KALRN: variants seen among roughly 807,000 people sequenced by gnomAD.
KALRN encodes kalirin RhoGEF kinase.
KALRN carries 70 observed loss-of-function variants against 353.7 expected under a neutral mutation model. The ratio of observed to expected loss-of-function variants is 0.20; its 90% CI spans 0.16 to 0.24. KALRN has a LOEUF of 0.24. Among genes scored for constraint, KALRN ranks in the 10% least tolerant of loss-of-function variants. KALRN has a pLI of 1.00. For synonymous variants in KALRN, 1,391 were observed against 1,434.8 expected, an observed-to-expected ratio of 0.97 and a Z score of 0.69; for missense variants, 2,791 against 3,756.7, an observed-to-expected ratio of 0.74 and a Z score of 6.72.
In KALRN at chr3:124,152,429, A is replaced by C. The variant is rs557478629; in HGVS notation, c.74-75561A>C. ...CCTCTGATCCTGATGACAAATGCCA[A>C]TTTGGGTTCTGCAGGTACATAGAAG... On this transcript the variant is annotated intron_variant, in intron 1 of 59. Coordinates refer to ENST00000682506, the MANE Select transcript of KALRN (RefSeq NM_001388419.1). The C allele has an allele frequency of 5.2e-6, 7 of 1,357,714 alleles. No individual in the cohort carries two copies. In the African/African-American group the frequency reaches 1.0e-4, roughly 19 times the overall value. The allele number at this position is 1,357,714 out of a possible 1,614,324, so 84.1% of individuals were successfully genotyped here.
chr3:124,643,077 A>G (rs781390197), intron 37 of KALRN, among the ~76,000 whole-genome samples: 5 of 152,048 alleles, frequency 3.3e-5, no homozygotes, highest in Non-Finnish European at 5.9e-5. Flanking sequence ...TCGGCCTCCC[A>G]AAGTGCTGGG....
intron 6 of KALRN, among the ~76,000 whole-genome samples, chr3:124,310,173 A>G (rs1178324613): frequency 6.6e-6 from 1 of 152,162 alleles, no homozygotes. Flanking sequence ...ATAATAGCAT[A>G]AAAAAGAATA....
At chr3:124,088,944 G>A (rs1222213962) in intron 1 of KALRN, among the ~76,000 whole-genome samples, 3 of 151,916 alleles carry the variant, frequency 2.0e-5, no homozygotes, top group African/African-American at 7.3e-5. Context: ...AGCTTGATGT[G>A]TATGTAGGGA....
chr3:124,107,038 T>C (rs987225730), intron 1 of KALRN, among the ~76,000 whole-genome samples: 1 of 152,206 alleles, frequency 6.6e-6, no homozygotes. Flanking sequence ...TCTCCTGGGC[T>C]GTTGCAGAAT....
intron 3 of KALRN, among the ~76,000 whole-genome samples, chr3:124,253,111 A>G (rs1032153073): frequency 2.6e-5 from 4 of 152,340 alleles, no homozygotes; most frequent in African/African-American, 9.6e-5. Context: ...TGGGGCAATC[A>G]GCAGAAGTAC....
At chr3:124,366,932 G>A (rs1339299884) in intron 10 of KALRN, among the ~76,000 whole-genome samples, 13 of 140,402 alleles carry the variant, frequency 9.3e-5, no homozygotes, top group African/African-American at 2.8e-5. Context: ...GGGCAGAGGG[G>A]CTCCTCACTT....
At position 124,418,899 on chromosome 3, in the gene KALRN, G is replaced by A. The variant is rs141939482; in HGVS notation, c.2543-3913G>A. Among the ~76,000 whole-genome samples, 397 of 152,160 alleles carry A rather than the reference G, an allele frequency of 2.6e-3. 1 individual carries two copies. Among genetic ancestry groups the A allele is most frequent in the African/African-American group, 9.4e-3 (389 of 41,516 alleles). ...TCGGGTCCCAGCCGCAGAGATTCTG[G>A]TGATATTGGTCTGGGGTGTGGTTAG... On this transcript the variant is annotated intron_variant, in intron 14 of 59. Coordinates refer to ENST00000682506, the MANE Select transcript of KALRN (RefSeq NM_001388419.1).
intron 13 of KALRN, chr3:124,410,319 A>G (rs1198950679): frequency 3.8e-6 from 2 of 524,642 alleles, no homozygotes; most frequent in Non-Finnish European, 7.8e-6. Flanking sequence ...AGAACCTAAA[A>G]TCAAAAGAAA....
intron 34 of KALRN, among the ~76,000 whole-genome samples, chr3:124,609,775 T>G (rs2077727613): frequency 6.6e-6 from 1 of 152,238 alleles, no homozygotes; most frequent in South Asian, 2.1e-4. Context: ...TGCCATTTAT[T>G]GTCATATAAT....
In KALRN at chr3:124,347,236, A is replaced by C. The variant is rs1581204032; in HGVS notation, c.1741A>C (p.Arg581=). The C allele has an allele frequency of 2.5e-6, 4 of 1,610,028 alleles. No individual in the cohort carries two copies. The East Asian group carries it at 9.0e-5, about 36-fold the overall frequency. ...ACATCGAGCCCGGGCCCTGCAGAAG[A>C]GGCATGATGACTTTGAAGAGGTGGC... ...SLHRARALQK[R]HDDFEEVAQN... The change falls in exon 10 of 60, where the codon AGG becomes CGG. Residue 581 remains arginine, a synonymous_variant. Transcript: ENST00000682506.
chr3:124,187,543 A>G (rs901790258), intron 1 of KALRN, among the ~76,000 whole-genome samples: 5 of 152,202 alleles, frequency 3.3e-5, no homozygotes, highest in Admixed American at 6.5e-5. Context: ...CTAAGTTTCT[A>G]TTCCCCTGGA....
intron 34 of KALRN, among the ~76,000 whole-genome samples, chr3:124,605,742 G>A (rs1200651578): frequency 6.6e-6 from 1 of 152,108 alleles, no homozygotes; most frequent in Non-Finnish European, 1.5e-5. Flanking sequence ...CTTTAGTACT[G>A]TAGGGGTTTT....
chr3:124,329,824 G>A, intron 7 of KALRN, 37 bp from the exon 8 acceptor site: 1 of 1,601,504 alleles, frequency 6.2e-7, no homozygotes, highest in Non-Finnish European at 8.5e-7. Flanking sequence ...CTCACCCCCA[G>A]TGCTCCCCCA....
chr3:124,587,477 C>G (rs750357619), intron 34 of KALRN, among the ~76,000 whole-genome samples: 5 of 152,146 alleles, frequency 3.3e-5, no homozygotes, highest in Non-Finnish European at 7.4e-5. Context: ...CTATTTTTGA[C>G]TTGAAGCTAA....
intron 11 of KALRN, 115 bp downstream of exon 11, chr3:124,385,151 T>C: frequency 1.2e-6 from 1 of 812,598 alleles, no homozygotes; most frequent in Non-Finnish European, 1.9e-6. Flanking sequence ...GGTTACTAAC[T>C]TCCTAACTTT....
chr3:124,373,572 A>T (rs1429364868), intron 10 of KALRN, among the ~76,000 whole-genome samples: 1 of 152,144 alleles, frequency 6.6e-6, no homozygotes, highest in African/African-American at 2.4e-5. Flanking sequence ...GTGAGGGAGA[A>T]TCTGTTCCAG....
chr3:124,278,742 T>C (rs779799080), intron 5 of KALRN, among the ~76,000 whole-genome samples: 1 of 152,198 alleles, frequency 6.6e-6, no homozygotes, highest in Admixed American at 6.5e-5. Flanking sequence ...CCACTTCTAT[T>C]TCCTGTCCTC....
intron 1 of KALRN, among the ~76,000 whole-genome samples, chr3:124,071,397 G>A (rs2060012364): frequency 6.6e-6 from 1 of 152,180 alleles, no homozygotes; most frequent in South Asian, 2.1e-4. Context: ...TGTTCAAAAC[G>A]AAGATCTCAC....
intron 3 of KALRN, among the ~76,000 whole-genome samples, chr3:124,239,640 A>G (rs1306125453): frequency 1.3e-5 from 2 of 152,264 alleles, no homozygotes; most frequent in African/African-American, 2.4e-5. Context: ...TCAGCAAAAC[A>G]TAAGTTGGGC....
Sources: gnomAD v4.1 joint callset for allele counts (sites outside exome capture counted in the v4.1 genomes callset) on GRCh38, gnomAD v4.1.1 for gene constraint, MANE v1.5 for transcripts, NCBI Gene and HGNC (gene_info 2026-07-23, HGNC 2026-07-21) for gene names.